JPH3: variants seen among roughly 807,000 people sequenced by gnomAD.
The protein encoded by JPH3 is junctophilin 3.
Under a neutral mutation model 59.6 loss-of-function variants are expected in JPH3, and 11 were observed. The ratio of observed to expected loss-of-function variants is 0.18; its 90% CI spans 0.12 to 0.31. The LOEUF is 0.31. JPH3 is among the 10% of genes least tolerant of loss of function. The pLI, the probability that JPH3 is intolerant of heterozygous loss-of-function variation, is 1.00. For synonymous variants in JPH3, 673 were observed against 483.6 expected (o/e 1.39, Z -5.14); for missense variants, 1,202 against 1,105.7 (o/e 1.09, Z -1.24).
chr16:87,665,249 G>A lies in JPH3; in HGVS notation c.1161-18893G>A, dbSNP rs140134114. Among the ~76,000 whole-genome samples, 137 of 152,300 alleles carry A rather than the reference G, an allele frequency of 9.0e-4. 2 individuals carry two copies. In the East Asian group the frequency reaches 0.023, roughly 26 times the overall value. ...GGACCCCTGAGCCGATTGGCTGCCC[G>A]GGACCTGCTGTTATATCGGGGGCTC... On this transcript the variant is annotated intron_variant, in intron 2 of 4. Coordinates refer to ENST00000284262, the MANE Select transcript of JPH3 (RefSeq NM_020655.4).
chr16:87,610,901 C>T (rs2562061), intron 1 of JPH3, among the ~76,000 whole-genome samples: 56,607 of 152,070 alleles, frequency 0.37, 11,456 homozygotes, highest in Non-Finnish European at 0.45. Flanking sequence ...GAGTACCCTC[C>T]AGTCTGCTTA....
At chr16:87,681,545 CCGGGAGG>C (rs2033294429) in intron 2 of JPH3, among the ~76,000 whole-genome samples, 1 of 133,848 alleles carries the variant, frequency 7.5e-6, no homozygotes, top group Admixed American at 7.7e-5. Context: ...CGTGACAGTG[CCGGGAGG>C]TCAGGTGCGC....
At chr16:87,681,602 A>G (rs1229531210) in intron 2 of JPH3, among the ~76,000 whole-genome samples, 42 of 82,308 alleles carry the variant, frequency 5.1e-4, no homozygotes, top group Admixed American at 1.1e-3. Context: ...GCGCGCGGTG[A>G]TGACAGTGCC....
chr16:87,691,104 T>G (rs2033561392), intron 4 of JPH3, among the ~76,000 whole-genome samples: 2 of 145,700 alleles, frequency 1.4e-5, no homozygotes, highest in East Asian at 2.1e-4. Context: ...CCCAAATTCG[T>G]TCCTCCAGGG....
intron 1 of JPH3, among the ~76,000 whole-genome samples, chr16:87,615,091 C>T (rs1289270807): frequency 6.6e-6 from 1 of 152,102 alleles, no homozygotes; most frequent in Non-Finnish European, 1.5e-5. Context: ...CGTCCCTTCC[C>T]AGAATAAAGG....
intron 1 of JPH3, among the ~76,000 whole-genome samples, chr16:87,642,151 G>A (rs1313187384): frequency 6.6e-6 from 1 of 152,026 alleles, no homozygotes; most frequent in Non-Finnish European, 1.5e-5. Context: ...GGGACGGACA[G>A]GTCACTTGAG....
Position 87,690,487 on chromosome 16 carries a change from G to T in JPH3, c.2127G>T (p.Glu709Asp). Residue 709 changes from glutamate to aspartate, a missense_variant, in exon 4 of 5, where the codon GAG (glutamate) becomes GAT (aspartate). By Grantham distance (45) the Glu-to-Asp change is conservative (BLOSUM62 2). Transcript: ENST00000284262. ...PPQKSLPVALESDEENGDELK... is the reference protein window; with the variant it reads ...PPQKSLPVALDSDEENGDELK... ...AGAAATCCTTGCCTGTCGCTCTAGA[G>T]TCCGACGAGGAGAATGGGGATGAGC... 6.7e-7 allele frequency: 1 copy of T among 1,487,252 alleles called. No homozygotes were observed. The highest frequency in any genetic ancestry group is 8.9e-7 in the Non-Finnish European group (1 of 1,120,142). The allele number at this position is 1,487,252 out of a possible 1,614,324, so 92.1% of individuals were successfully genotyped here. A position where few individuals can be genotyped will look rare whatever the true frequency, so the allele number is the denominator to read the frequency against.
chr16:87,658,893 T>A (rs2032601251), intron 2 of JPH3, among the ~76,000 whole-genome samples: 1 of 152,208 alleles, frequency 6.6e-6, no homozygotes, highest in African/African-American at 2.4e-5. Context: ...GCCATCCCAG[T>A]TAATTATTTG....
At chr16:87,607,715 G>C (rs2030578319) in intron 1 of JPH3, among the ~76,000 whole-genome samples, 1 of 152,234 alleles carries the variant, frequency 6.6e-6, no homozygotes, top group Admixed American at 6.5e-5. Flanking sequence ...CGTATGCTTT[G>C]TGCTTGGCTA....
At chr16:87,675,539 G>A (rs545964142) in intron 2 of JPH3, among the ~76,000 whole-genome samples, 8 of 152,324 alleles carry the variant, frequency 5.3e-5, no homozygotes, top group African/African-American at 1.7e-4. Context: ...GGAGGCTGCC[G>A]GCAGCCCGCA....
intron 4 of JPH3, 70 bp from the exon 5 acceptor site, chr16:87,696,510 T>G: frequency 7.9e-7 from 1 of 1,269,496 alleles, no homozygotes; most frequent in Non-Finnish European, 1.1e-6. Flanking sequence ...AAGACGTGGG[T>G]GGGAGGCGTG....
At chr16:87,647,964 G>T (rs2032208017) in intron 2 of JPH3, among the ~76,000 whole-genome samples, 1 of 152,344 alleles carries the variant, frequency 6.6e-6, no homozygotes, top group South Asian at 2.1e-4. Context: ...CCCCTCTCTG[G>T]GCTGGGTTCC....
At chr16:87,618,283 G>C (rs1043109268) in intron 1 of JPH3, among the ~76,000 whole-genome samples, 1 of 152,210 alleles carries the variant, frequency 6.6e-6, no homozygotes, top group Admixed American at 6.5e-5. Flanking sequence ...CCCAGGACTC[G>C]AGAAGTGGGC....
At chr16:87,667,178 C>T (rs1187912274) in intron 2 of JPH3, among the ~76,000 whole-genome samples, 1 of 152,228 alleles carries the variant, frequency 6.6e-6, no homozygotes, top group East Asian at 1.9e-4. Context: ...CTCTCCTTCT[C>T]TGTCTCTTAG....
intron 1 of JPH3, among the ~76,000 whole-genome samples, chr16:87,625,696 C>A (rs917941704): frequency 1.3e-5 from 2 of 152,168 alleles, no homozygotes; most frequent in African/African-American, 4.8e-5. Context: ...TTGTGCCAAA[C>A]CCCTGTCAAC....
chr16:87,649,997 A>C (rs1335629123), intron 2 of JPH3, among the ~76,000 whole-genome samples: 2 of 152,188 alleles, frequency 1.3e-5, no homozygotes, highest in Non-Finnish European at 2.9e-5. Context: ...GCAAAGCAGA[A>C]ACCCAAGCTG....
intron 1 of JPH3, among the ~76,000 whole-genome samples, chr16:87,618,334 C>A (rs2031049416): frequency 6.6e-6 from 1 of 152,010 alleles, no homozygotes; most frequent in South Asian, 2.1e-4. Flanking sequence ...GGCCGGGCAG[C>A]AGCTGGGGGA....
intron 1 of JPH3, chr16:87,604,831 C>G (rs982929449): frequency 2.1e-5 from 8 of 387,304 alleles, no homozygotes; most frequent in Non-Finnish European, 3.8e-5. Flanking sequence ...ATGCTCCTGC[C>G]TGTCAAAGCC....
intron 2 of JPH3, among the ~76,000 whole-genome samples, chr16:87,682,199 C>G (rs368624129): frequency 2.0e-5 from 3 of 151,742 alleles, no homozygotes; most frequent in South Asian, 2.1e-4. Context: ...ATATTACTCT[C>G]TGTATGTAAA....
Sources: allele counts gnomAD v4.1 joint callset (sites outside exome capture counted in the v4.1 genomes callset), GRCh38; gene constraint gnomAD v4.1.1; transcripts MANE v1.5; gene names NCBI Gene and HGNC (gene_info 2026-07-23, HGNC 2026-07-21).